TRAPPC12: variants seen among roughly 807,000 people sequenced by gnomAD.
The protein encoded by TRAPPC12 is trafficking protein particle complex subunit 12.
A neutral mutation model predicts 69.2 loss-of-function variants in TRAPPC12; 61 were observed. The ratio of observed to expected loss-of-function variants is 0.88; its 90% CI spans 0.72 to 1.09. The LOEUF is 1.09. Ranked by LOEUF, TRAPPC12 falls within the 50% of genes least tolerant of loss-of-function variation. TRAPPC12 has a pLI of 0.00. For synonymous variants in TRAPPC12, 469 were observed against 438.9 expected, an observed-to-expected ratio of 1.07 and a Z score of -0.86; for missense variants, 1,101 against 1,016.4, an observed-to-expected ratio of 1.08 and a Z score of -1.13.
intron 5 of TRAPPC12, among the ~76,000 whole-genome samples, chr2:3,438,276 TC>T (rs1392141372): frequency 1.4e-4 from 7 of 51,838 alleles, no homozygotes; most frequent in Admixed American, 2.5e-4. Flanking sequence ...CCTGGATAAA[TC>T]CCCCCACCAT....
intron 5 of TRAPPC12, among the ~76,000 whole-genome samples, chr2:3,428,391 T>C (rs1663239342): frequency 6.6e-6 from 1 of 152,238 alleles, no homozygotes; most frequent in South Asian, 2.1e-4. Context: ...AAGATTTTGA[T>C]TCATTCACTT....
chr2:3,404,967 A>G (rs1428046819), intron 3 of TRAPPC12, among the ~76,000 whole-genome samples: 2 of 152,088 alleles, frequency 1.3e-5, no homozygotes, highest in African/African-American at 4.8e-5. Flanking sequence ...TTCCTCTGCA[A>G]TGACAGAAAA....
chr2:3,405,029 CTG>C (rs1661652132), intron 3 of TRAPPC12, among the ~76,000 whole-genome samples: 1 of 152,062 alleles, frequency 6.6e-6, no homozygotes, highest in African/African-American at 2.4e-5. Context: ...CATTTTCAAA[CTG>C]TGATTCTGAG....
chr2:3,449,979 A>G (rs141830912), intron 6 of TRAPPC12, among the ~76,000 whole-genome samples: 22 of 152,154 alleles, frequency 1.4e-4, no homozygotes, highest in African/African-American at 4.3e-4. Context: ...GTGTGTGTTC[A>G]GAATGTGCAA....
intron 2 of TRAPPC12, among the ~76,000 whole-genome samples, chr2:3,398,517 C>T (rs1661249075): frequency 6.6e-6 from 1 of 152,256 alleles, no homozygotes; most frequent in African/African-American, 2.4e-5. Context: ...TCAGCGTGTT[C>T]TGTGCCAGGT....
intron 7 of TRAPPC12, chr2:3,459,949 C>T: frequency 2.2e-6 from 1 of 450,064 alleles, no homozygotes. Context: ...CTCCTTTTCT[C>T]AGGGTTCTGG....
In TRAPPC12 at chr2:3,406,771, TATA is replaced by T. The variant is rs1217062976; in HGVS notation, c.1164+4884_1164+4886del. On this transcript the variant is annotated intron_variant, in intron 3 of 11. Transcript: ENST00000324266. ...CTGAACTGGCAGCATGACAGGGCTTTATAATAATGGGTTTAAAAATCACACACA... is the reference window on the plus strand; with the variant it reads ...CTGAACTGGCAGCATGACAGGGCTTTATAATGGGTTTAAAAATCACACACA... Among the ~76,000 whole-genome samples the T allele has an allele frequency of 3.9e-5, 6 of 152,348 alleles. No individual in the cohort carries two copies. The South Asian group carries it at 1.2e-3, about 32-fold the overall frequency.
At chr2:3,398,680 C>T (rs552216744) in intron 2 of TRAPPC12, among the ~76,000 whole-genome samples, 30 of 152,212 alleles carry the variant, frequency 2.0e-4, no homozygotes, top group Middle Eastern at 3.2e-3. Context: ...GAGACTATTC[C>T]CCCATTGCAG....
chr2:3,463,711 G>A (rs532200691), intron 8 of TRAPPC12, among the ~76,000 whole-genome samples: 5 of 152,022 alleles, frequency 3.3e-5, no homozygotes, highest in East Asian at 1.9e-4. Flanking sequence ...TGTGGTGGCC[G>A]CCTCAGCCTG....
chr2:3,411,180 A>G (rs1407661257), intron 3 of TRAPPC12, among the ~76,000 whole-genome samples: 12 of 152,224 alleles, frequency 7.9e-5, no homozygotes, highest in Admixed American at 7.9e-4. Context: ...TTTAGCTGCT[A>G]TACTTAGTAG....
intron 1 of TRAPPC12, among the ~76,000 whole-genome samples, chr2:3,382,133 T>C (rs1363337160): frequency 1.7e-5 from 1 of 60,048 alleles, no homozygotes; most frequent in African/African-American, 4.0e-5. Flanking sequence ...ATTTCCACTT[T>C]TTTTTTTTTT....
At chr2:3,397,142 G>A (rs1470319739) in intron 2 of TRAPPC12, among the ~76,000 whole-genome samples, 1 of 152,178 alleles carries the variant, frequency 6.6e-6, no homozygotes, top group African/African-American at 2.4e-5. Context: ...GGACATTGTG[G>A]ATTTCAGGTT....
intron 3 of TRAPPC12, among the ~76,000 whole-genome samples, chr2:3,415,938 G>A (rs765984932): frequency 9.3e-5 from 14 of 151,236 alleles, no homozygotes; most frequent in Non-Finnish European, 1.3e-4. Context: ...GGATGGTCTC[G>A]ATCTCCTGAC....
rs938713290 is a variant in TRAPPC12, at chr2:3,399,530, G to A, written c.1048-2247G>A. The stretch of plus-strand genomic sequence containing the variant: ...GGTCTTTTCCTCAATGTGAGAAAAC[G>A]TGAGGCTGGCCTCTGCGAGCACCAG... On this transcript the variant is annotated intron_variant, in intron 2 of 11. Transcript: ENST00000324266. 2.6e-5 allele frequency among the ~76,000 whole-genome samples: 4 copies of A among 152,182 alleles called. No individual in the cohort carries two copies. The East Asian group carries it at 5.8e-4, about 22-fold the overall frequency.
chr2:3,464,751 C>T (rs534800932), intron 8 of TRAPPC12, among the ~76,000 whole-genome samples: 2 of 152,374 alleles, frequency 1.3e-5, no homozygotes, highest in East Asian at 1.9e-4. Context: ...CCTTCCTGCA[C>T]GGAGACCGCG....
At chr2:3,399,898 A>G (rs1200281439) in intron 2 of TRAPPC12, among the ~76,000 whole-genome samples, 1 of 148,438 alleles carries the variant, frequency 6.7e-6, no homozygotes, top group African/African-American at 2.5e-5. Flanking sequence ...GGCAGGGGGC[A>G]CGCAGGCTTC....
chr2:3,464,422 CTTTG>C (rs1665695443), intron 8 of TRAPPC12, among the ~76,000 whole-genome samples: 1 of 147,508 alleles, frequency 6.8e-6, no homozygotes, highest in African/African-American at 2.5e-5. Flanking sequence ...GTCTGTCTTT[CTTTG>C]TAACATCCCA....
chr2:3,469,655 G>A (rs190985195), intron 9 of TRAPPC12, among the ~76,000 whole-genome samples: 21 of 152,252 alleles, frequency 1.4e-4, no homozygotes, highest in Non-Finnish European at 2.2e-4. Context: ...TCCCCCACAC[G>A]GCCTCCTGCT....
At chr2:3,472,198 G>T (rs897142034) in intron 9 of TRAPPC12, among the ~76,000 whole-genome samples, 1 of 152,150 alleles carries the variant, frequency 6.6e-6, no homozygotes, top group Non-Finnish European at 1.5e-5. Context: ...AGGGCAGGGT[G>T]GGGAGACGCT....
Sources: allele counts gnomAD v4.1 joint callset (sites outside exome capture counted in the v4.1 genomes callset), GRCh38; gene constraint gnomAD v4.1.1; transcripts MANE v1.5; gene names NCBI Gene and HGNC (gene_info 2026-07-23, HGNC 2026-07-21).